The following BRSK1 variants were observed in gnomAD, a reference collection of about 807,000 sequenced individuals.
BRSK1 encodes serine/threonine-protein kinase BRSK1.
BRSK1 carries 17 observed loss-of-function variants against 86.2 expected under a neutral mutation model. That is an observed-to-expected ratio of 0.20 (90% confidence interval 0.14 to 0.30). The LOEUF (loss-of-function observed/expected upper bound fraction) is 0.30, where lower values mean the gene tolerates loss of function less well. Ranked by LOEUF, BRSK1 falls within the 10% of genes least tolerant of loss-of-function variation. BRSK1 has a pLI of 1.00. For synonymous variants in BRSK1, 464 were observed against 440.1 expected (o/e 1.05, Z -0.68); for missense variants, 719 against 1,071.9 (o/e 0.67, Z 4.60).
chr19:55,304,717 C>T lies in BRSK1; in HGVS notation c.1514C>T (p.Pro505Leu). 1 of 1,505,592 alleles carries T rather than the reference C, an allele frequency of 6.6e-7. No homozygotes were observed. Among genetic ancestry groups the T allele is most frequent in the Non-Finnish European group, 8.8e-7 (1 of 1,133,212 alleles). The allele number at this position is 1,505,592 out of a possible 1,614,324, so 93.3% of individuals were successfully genotyped here. A position where few individuals can be genotyped will look rare whatever the true frequency, so the allele number is the denominator to read the frequency against. Residue 505 changes from proline to leucine, a missense_variant, in exon 14 of 19, where the codon CCC becomes CTC. Physicochemically the swap from Pro to Leu is moderately conservative, Grantham distance 98. This residue lies in a region of BRSK1 where 143 missense variants were observed against 120.1 expected (regional missense o/e 1.19). Coordinates refer to ENST00000309383, the MANE Select transcript of BRSK1 (RefSeq NM_032430.2). This position sits in a 1 kb window ranked among gnomAD's most constrained non-coding sequence, Gnocchi z 5.2. ...GCCCGCTCCACACCCCTGCCCGGCC[C>T]CCCAGGCTCCCCGCGCTCCTCTGGC... Reference protein sequence around the residue: ...PSARSTPLPGPPGSPRSSGGT... With the variant: ...PSARSTPLPGLPGSPRSSGGT...
chr19:55,291,800 C>A (rs2088410470), intron 4 of BRSK1, among the ~76,000 whole-genome samples: 1 of 152,146 alleles, frequency 6.6e-6, no homozygotes, highest in Non-Finnish European at 1.5e-5. Flanking sequence ...TCGCTGTCAC[C>A]CATCCTGGAG....
rs2122953971 is a variant in BRSK1 at position 55,294,439 on chromosome 19, C to T, written c.678+42C>T. ...TCTCCTGTCATTTCTAGATCAATCC[C>T]ACCTGGTGGGAGCATAGGACAGTAC... On this transcript the variant is annotated intron_variant, in intron 7 of 18. Coordinates refer to ENST00000309383, the MANE Select transcript of BRSK1 (RefSeq NM_032430.2). This position sits in a 1 kb window ranked among gnomAD's most constrained non-coding sequence, Gnocchi z 4.9. The T allele has an allele frequency of 6.2e-7, 1 of 1,605,720 alleles. No homozygotes were observed. Among genetic ancestry groups the T allele is most frequent in the Non-Finnish European group, 8.5e-7 (1 of 1,175,028 alleles).
chr19:55,302,887 G>A lies in BRSK1; in HGVS notation c.1028+20G>A. On this transcript the variant is annotated intron_variant, in intron 10 of 18. Coordinates refer to ENST00000309383, the MANE Select transcript of BRSK1 (RefSeq NM_032430.2). This position sits in a 1 kb window ranked among gnomAD's most constrained non-coding sequence, Gnocchi z 6.3. ...TGAGGAGTAAGACCCCAAGACCCCTGCACCCGTGTACCCACGTGGGGCGAG... is the reference window on the plus strand; with the variant it reads ...TGAGGAGTAAGACCCCAAGACCCCTACACCCGTGTACCCACGTGGGGCGAG... 6.2e-7 allele frequency: 1 copy of A among 1,605,650 alleles called. No homozygotes were observed. Among genetic ancestry groups the A allele is most frequent in the Non-Finnish European group, 8.5e-7 (1 of 1,174,346 alleles).
At chr19:55,298,209 C>CTTTTTTTTTTTTTTTTTTTTTTTT (rs71181751) in intron 7 of BRSK1, among the ~76,000 whole-genome samples, 2 of 69,622 alleles carry the variant, frequency 2.9e-5, no homozygotes, top group Non-Finnish European at 5.2e-5. Context: ...TTTGTTTCTT[C>CTTTTTTTTTTTTTTTTTTTTTTTT]TTTTTTTTTT....
At chr19:55,297,111 C>G (rs186515392) in intron 7 of BRSK1, among the ~76,000 whole-genome samples, 156 of 152,280 alleles carry the variant, frequency 1.0e-3, no homozygotes, top group Non-Finnish European at 1.7e-3. Context: ...GATTCTTGCT[C>G]TGTCACACAT....
At chr19:55,311,456 C>T (rs2088792482) in intron 18 of BRSK1, among the ~76,000 whole-genome samples, 1 of 152,162 alleles carries the variant, frequency 6.6e-6, no homozygotes, top group Non-Finnish European at 1.5e-5. Context: ...TGAGACCCCC[C>T]CGACTCCACC....
chr19:55,284,043 G>A lies in BRSK1; in HGVS notation c.-400G>A, dbSNP rs2088270357. On this transcript the variant is annotated 5_prime_UTR_variant, in exon 1 of 19. Transcript: ENST00000309383. ...GGAGAGAAAGGACGAGGTGGCGGGG[G>A]GAGGCGGAGAGGAGGAGGAGGCGGA... The A allele has an allele frequency of 1.6e-6, 2 of 1,235,888 alleles. No individual in the cohort carries two copies. Among genetic ancestry groups the A allele is most frequent in the Middle Eastern group, 3.1e-4 (1 of 3,216 alleles). 76.6% of individuals were successfully genotyped at this position (1,235,888 alleles called of 1,614,324 possible).
chr19:55,300,503 G>C lies in BRSK1; in HGVS notation c.679-1009G>C, dbSNP rs144480138. On this transcript the variant is annotated intron_variant, in intron 7 of 18. Transcript: ENST00000309383. ...AGATCACCTGAGGTCAGGACTTCAA[G>C]ACCAGCCTGGCCAACGTGGTGAAAC... 7.9e-3 allele frequency among the ~76,000 whole-genome samples: 1,197 copies of C among 152,252 alleles called. 9 individuals carry two copies. Among genetic ancestry groups the C allele is most frequent in the Non-Finnish European group, 0.013 (894 of 68,008 alleles).
In BRSK1 at chr19:55,312,103, CA is replaced by C; in HGVS notation, c.*36del. The stretch of plus-strand genomic sequence containing the variant: ...GCCGGGGAGGGAGGGGACCCCCCTC[CA>C]CCCCCCTTCCGTGCCCCCCAACTGT... On this transcript the variant is annotated 3_prime_UTR_variant, in exon 19 of 19. Transcript: ENST00000309383. 1.9e-6 allele frequency: 2 copies of C among 1,055,244 alleles called. No homozygotes were observed. The highest frequency in any genetic ancestry group is 2.7e-6 in the Non-Finnish European group (2 of 754,470). The allele number at this position is 1,055,244 out of a possible 1,614,324, so 65.4% of individuals were successfully genotyped here. A position where few individuals can be genotyped will look rare whatever the true frequency, so the allele number is the denominator to read the frequency against.
intron 7 of BRSK1, among the ~76,000 whole-genome samples, chr19:55,298,026 G>C (rs1189104088): frequency 2.6e-5 from 4 of 151,900 alleles, no homozygotes; most frequent in African/African-American, 9.7e-5. Context: ...TGTTGGCCAG[G>C]CTGGTCTCGA....
chr19:55,287,229 G>A lies in BRSK1; in HGVS notation c.247G>A (p.Ala83Thr), dbSNP rs895699433. 7 of 1,613,896 alleles carry A rather than the reference G, an allele frequency of 4.3e-6. No individual in the cohort carries two copies. The highest frequency in any genetic ancestry group is 2.2e-5 in the South Asian group (2 of 91,080). ...TGACCCTCAGGTGGAGCGGGAGATC[G>A]CCATCCTGAAGCTCATCGAACACCC... ...SVLMKVEREI[A>T]ILKLIEHPHV... Residue 83 changes from alanine (A) to threonine (T), a missense_variant, in exon 3 of 19, where the codon GCC becomes ACC. Ala to Thr is a moderately conservative substitution (Grantham distance 58). Around this residue, in one of 6 missense-constraint regions of BRSK1, gnomAD observed 75 missense variants for 281.0 expected, o/e 0.27. Transcript: ENST00000309383. This position sits in a 1 kb window ranked among gnomAD's most constrained non-coding sequence, Gnocchi z 5.3.
At chr19:55,311,276 TAAA>T (rs2088787810) in intron 18 of BRSK1, among the ~76,000 whole-genome samples, 1 of 152,022 alleles carries the variant, frequency 6.6e-6, no homozygotes. Flanking sequence ...CAGTTTCTCT[TAAA>T]AGAAAAACGA....
rs1416542708 is a variant in BRSK1, at chr19:55,303,187, T to C, written c.1029-124T>C. Reference sequence around the variant, plus strand: ...CCTAAACCAGAGAAACTGACCATACTGATACCTAGAAAAAATGGAACCATG... The same window carrying C: ...CCTAAACCAGAGAAACTGACCATACCGATACCTAGAAAAAATGGAACCATG... On this transcript the variant is annotated intron_variant, in intron 10 of 18. Coordinates refer to ENST00000309383, the MANE Select transcript of BRSK1 (RefSeq NM_032430.2). This position sits in a 1 kb window ranked among gnomAD's most constrained non-coding sequence, Gnocchi z 5.1. 2 of 772,424 alleles carry C rather than the reference T, an allele frequency of 2.6e-6. No homozygotes were observed. The highest frequency in any genetic ancestry group is 3.4e-5 in the African/African-American group (2 of 58,478). The allele number at this position is 772,424 out of a possible 1,614,324, so 47.8% of individuals were successfully genotyped here.
chr19:55,305,028 C>T, intron 14 of BRSK1, 108 bp downstream of exon 14: 2 of 1,492,694 alleles, frequency 1.3e-6, no homozygotes, highest in Non-Finnish European at 1.8e-6. Flanking sequence ...GACTGGGGGC[C>T]TGGATTCCCA....
At chr19:55,297,938 A>G (rs2088512528) in intron 7 of BRSK1, among the ~76,000 whole-genome samples, 1 of 149,480 alleles carries the variant, frequency 6.7e-6, no homozygotes, top group Non-Finnish European at 1.5e-5. Context: ...TCAGCCTCCC[A>G]AGTAGCTGGG....
At position 55,302,893 on chromosome 19, in the gene BRSK1, G is replaced by C. The variant is rs1244182068; in HGVS notation, c.1028+26G>C. ...GTAAGACCCCAAGACCCCTGCACCC[G>C]TGTACCCACGTGGGGCGAGCTGCAG... On this transcript the variant is annotated intron_variant, in intron 10 of 18. Coordinates refer to ENST00000309383, the MANE Select transcript of BRSK1 (RefSeq NM_032430.2). The surrounding 1 kb of genome is among the most constrained non-coding windows in gnomAD (Gnocchi z 6.3). 6.3e-7 allele frequency: 1 copy of C among 1,597,636 alleles called. No individual in the cohort carries two copies.
At position 55,304,648 on chromosome 19, in the gene BRSK1, GC is replaced by G; in HGVS notation, c.1449del (p.Arg484GlyfsTer99). On this transcript the variant is annotated frameshift_variant, in exon 14 of 19. Transcript: ENST00000309383. LOFTEE classifies it high-confidence loss of function. This position sits in a 1 kb window ranked among gnomAD's most constrained non-coding sequence, Gnocchi z 5.2. ...TSKTQTLPSRGPRGGGAGEQP... is the reference protein window; with the variant it reads ...TSKTQTLPSRXPRGGGAGEQP... ...AAAACGCAGACGCTGCCTTCTCGGGGCCCCAGGGGTGGGGGCGCCGGGGAGC... is the reference window on the plus strand; with the variant it reads ...AAAACGCAGACGCTGCCTTCTCGGGGCCCAGGGGTGGGGGCGCCGGGGAGC... 1 of 1,516,428 alleles carries G rather than the reference GC, an allele frequency of 6.6e-7. No homozygotes were observed. The highest frequency in any genetic ancestry group is 8.8e-7 in the Non-Finnish European group (1 of 1,136,712). The allele number at this position is 1,516,428 out of a possible 1,614,324, so 93.9% of individuals were successfully genotyped here.
In BRSK1 at chr19:55,287,092, G is replaced by C. The variant is rs765855115; in HGVS notation, c.222G>C (p.Val74=). 6.2e-7 allele frequency: 1 copy of C among 1,613,396 alleles called. No homozygotes were observed. Among genetic ancestry groups the C allele is most frequent in the South Asian group, 1.1e-5 (1 of 91,050 alleles). The change falls in exon 2 of 19, where the codon GTG becomes GTC. Residue 74 remains valine (V), a synonymous_variant. Transcript: ENST00000309383. The surrounding 1 kb of genome is among the most constrained non-coding windows in gnomAD (Gnocchi z 5.3). ...ACCGGGAGAAGCTGTCGGAGTCGGT[G>C]CTGATGAAGGTGTGTGCGCCTGCTG... ...IVNREKLSES[V]LMKVEREIAI...
chr19:55,311,491 C>T (rs916852558), intron 18 of BRSK1, among the ~76,000 whole-genome samples: 6 of 152,192 alleles, frequency 3.9e-5, no homozygotes, highest in Non-Finnish European at 8.8e-5. Context: ...AGCCCAGTTC[C>T]ATGGAACATT....
Sources: allele counts gnomAD v4.1 joint callset (sites outside exome capture counted in the v4.1 genomes callset), GRCh38; gene constraint gnomAD v4.1.1; regional missense constraint gnomAD v4.1.1; non-coding constraint Gnocchi (gnomAD v3.1); transcripts MANE v1.5; gene names NCBI Gene and HGNC (gene_info 2026-07-23, HGNC 2026-07-21).